USP34: variants seen among roughly 807,000 people sequenced by gnomAD.
The protein encoded by USP34 is ubiquitin specific peptidase 34.
USP34 carries 70 observed loss-of-function variants against 460.3 expected under a neutral mutation model. The ratio of observed to expected loss-of-function variants is 0.15; its 90% confidence interval spans 0.13 to 0.19. The LOEUF (loss-of-function observed/expected upper bound fraction) is 0.19, where lower values mean the gene tolerates loss of function less well. Ranked by LOEUF, USP34 falls within the 10% of genes least tolerant of loss-of-function variation. USP34 has a pLI of 1.00. For missense variants in USP34, 3,985 were observed against 4,236.2 expected (o/e 0.94, Z 1.65); for synonymous variants, 1,647 against 1,405.3 (o/e 1.17, Z -3.85).
intron 12 of USP34, 118 bp from the exon 13 acceptor site, chr2:61,349,403 A>T (rs1309491749): frequency 2.0e-6 from 2 of 1,010,804 alleles, no homozygotes; most frequent in Non-Finnish European, 2.9e-6. Flanking sequence ...AACCTGCAAT[A>T]AGGTTAAGTC....
chr2:61,434,960 G>A (rs1186698), intron 1 of USP34, among the ~76,000 whole-genome samples: 14,235 of 152,018 alleles, frequency 0.094, 853 homozygotes, highest in East Asian at 0.22. Flanking sequence ...AGGGAATACA[G>A]GTAAGAACTT....
At chr2:61,419,069 T>C (rs2103968736) in intron 2 of USP34, among the ~76,000 whole-genome samples, 1 of 152,378 alleles carries the variant, frequency 6.6e-6, no homozygotes, top group East Asian at 1.9e-4. Flanking sequence ...GCTTTATTAT[T>C]ATTCTATTTC....
chr2:61,315,409 C>T (rs888897130), intron 23 of USP34, among the ~76,000 whole-genome samples: 1 of 151,486 alleles, frequency 6.6e-6, no homozygotes, highest in Non-Finnish European at 1.5e-5. Context: ...GTCTCACTCA[C>T]TTGCCCAGGC....
At chr2:61,433,703 T>C (rs1424473289) in intron 1 of USP34, among the ~76,000 whole-genome samples, 1 of 152,072 alleles carries the variant, frequency 6.6e-6, no homozygotes, top group Non-Finnish European at 1.5e-5. Flanking sequence ...TTTAGACAAC[T>C]GCTGGAAATC....
intron 3 of USP34, among the ~76,000 whole-genome samples, chr2:61,398,373 G>A (rs1319176842): frequency 2.7e-5 from 4 of 150,154 alleles, no homozygotes; most frequent in South Asian, 4.3e-4. Flanking sequence ...TGAAAGAGAA[G>A]GAGGAGAGAG....
chr2:61,394,083 T>C (rs539753442), intron 5 of USP34, among the ~76,000 whole-genome samples: 20 of 152,098 alleles, frequency 1.3e-4, no homozygotes, highest in Non-Finnish European at 2.8e-4. Flanking sequence ...ACTGCACCAC[T>C]GCACTCCAGC....
intron 3 of USP34, among the ~76,000 whole-genome samples, chr2:61,399,956 A>G (rs1350376044): frequency 2.0e-5 from 3 of 151,682 alleles, no homozygotes; most frequent in South Asian, 2.1e-4. Flanking sequence ...GCTTTAATAA[A>G]CTTATCAATG....
chr2:61,282,313 A>C (rs1553363370), intron 37 of USP34, among the ~76,000 whole-genome samples: 1 of 152,212 alleles, frequency 6.6e-6, no homozygotes, highest in Non-Finnish European at 1.5e-5. Flanking sequence ...CAGGTTTAAA[A>C]AATAAGTGAC....
At chr2:61,365,451 C>A (rs572502038) in intron 10 of USP34, among the ~76,000 whole-genome samples, 2 of 151,976 alleles carry the variant, frequency 1.3e-5, no homozygotes, top group East Asian at 3.9e-4. Flanking sequence ...AAAACCTTGC[C>A]AGCAGGAAAT....
chr2:61,368,697 C>T (rs972549646), intron 10 of USP34, among the ~76,000 whole-genome samples: 4 of 151,986 alleles, frequency 2.6e-5, no homozygotes, highest in Non-Finnish European at 4.4e-5. Context: ...CACTTTAAAC[C>T]AACATAAATC....
rs1172498327 is a variant in USP34, at chr2:61,333,883, T to A, written c.2833A>T (p.Met945Leu). 6.6e-7 allele frequency: 1 copy of A among 1,522,266 alleles called. No individual in the cohort carries two copies. Among genetic ancestry groups the A allele is most frequent in the Middle Eastern group, 1.8e-4 (1 of 5,470 alleles). 94.3% of individuals were successfully genotyped at this position (1,522,266 alleles called of 1,614,324 possible). A position where few individuals can be genotyped will look rare whatever the true frequency, so the allele number is the denominator to read the frequency against. Residue 945 changes from methionine (M) to leucine (L), a missense_variant and splice_region_variant, in exon 19 of 80, where the codon ATG becomes TTG. This residue lies in a region of USP34 where 1,114 missense variants were observed against 1,122.5 expected (regional missense o/e 0.99). Transcript: ENST00000398571. ...TACTTTTTTCTTTTATTTACTTACA[T>A]TGTTATCCAGTGTGTATCGTAACTG... ...GSSYDTHWITMWAEKELNMMK... is the reference protein window; with the variant it reads ...GSSYDTHWITLWAEKELNMMK...
intron 14 of USP34, 101 bp from the exon 15 acceptor site, chr2:61,348,581 T>C (rs1379915002): frequency 1.4e-6 from 2 of 1,472,678 alleles, no homozygotes; most frequent in Non-Finnish European, 1.8e-6. Context: ...CTGCCAGTCT[T>C]GTTATACTCC....
Position 61,405,860 on chromosome 2 carries a change from G to C in USP34, c.400C>G (p.Leu134Val). The C allele has an allele frequency of 6.2e-7, 1 of 1,613,794 alleles. No homozygotes were observed. The highest frequency in any genetic ancestry group is 8.5e-7 in the Non-Finnish European group (1 of 1,179,942). Reference sequence around the variant, plus strand: ...CTCTTTGAAGATTCCTCCTCAGTCAGATTACAAATTCTTGTAGAGTTTGAT... The same window carrying C: ...CTCTTTGAAGATTCCTCCTCAGTCACATTACAAATTCTTGTAGAGTTTGAT... ...KKSNSTRICN[L>V]TEEESSKSSD... Residue 134 changes from leucine to valine, a missense_variant, in exon 3 of 80, where the codon CTG (leucine) becomes GTG (valine). Leu to Val is a conservative substitution (Grantham distance 32). Transcript: ENST00000398571.
chr2:61,343,690 T>C (rs1372294728), intron 16 of USP34, 125 bp downstream of exon 16: 3 of 972,514 alleles, frequency 3.1e-6, no homozygotes, highest in South Asian at 1.7e-5. Flanking sequence ...AACTACCATA[T>C]GTAAGTTATT....
chr2:61,293,643 C>A, intron 32 of USP34, 93 bp from the exon 33 acceptor site: 5 of 854,408 alleles, frequency 5.9e-6, no homozygotes, highest in East Asian at 2.7e-5. Context: ...TAAAATATTA[C>A]GTATCTTTTA....
At chr2:61,211,027 A>T (rs1258597467) in intron 69 of USP34, among the ~76,000 whole-genome samples, 2 of 152,222 alleles carry the variant, frequency 1.3e-5, no homozygotes, top group African/African-American at 4.8e-5. Context: ...CAATCCCTTT[A>T]AGAAATCCGG....
chr2:61,397,329 G>A (rs1693559346), intron 3 of USP34, among the ~76,000 whole-genome samples: 1 of 151,686 alleles, frequency 6.6e-6, no homozygotes, highest in African/African-American at 2.4e-5. Context: ...TGTAATCCCA[G>A]CTACTTGGGA....
chr2:61,465,079 G>A (rs1290658701), intron 1 of USP34, among the ~76,000 whole-genome samples: 1 of 152,080 alleles, frequency 6.6e-6, no homozygotes, highest in Admixed American at 6.6e-5. Context: ...AAAAGAAAAT[G>A]GCAAGTCCAG....
At chr2:61,412,124 G>A (rs1330166552) in intron 2 of USP34, among the ~76,000 whole-genome samples, 1 of 150,034 alleles carries the variant, frequency 6.7e-6, no homozygotes, top group Non-Finnish European at 1.5e-5. Context: ...AGGAGGCAGA[G>A]GCTGCAGTGA....
Sources: allele counts gnomAD v4.1 joint callset (sites outside exome capture counted in the v4.1 genomes callset), GRCh38; gene constraint gnomAD v4.1.1; regional missense constraint gnomAD v4.1.1; transcripts MANE v1.5; gene names NCBI Gene and HGNC (gene_info 2026-07-23, HGNC 2026-07-21).